Variants in PCDHGB2 observed in about 807,000 individuals in gnomAD.
The protein encoded by PCDHGB2 is protocadherin gamma subfamily B, 2, also known as protocadherin gamma-B2.
PCDHGB2 carries 55 observed loss-of-function variants against 59.3 expected under a neutral mutation model. The observed-to-expected ratio is 0.93, with a 90% confidence interval of 0.75 to 1.16. The LOEUF (loss-of-function observed/expected upper bound fraction) is 1.16, where lower values mean the gene tolerates loss of function less well. Among genes scored for constraint, PCDHGB2 ranks in the 50% most tolerant of loss-of-function variants. PCDHGB2 has a pLI of 0.00. For missense variants in PCDHGB2, 1,228 were observed against 1,198.5 expected (o/e 1.02, Z -0.36); for synonymous variants, 516 against 512.0 (o/e 1.01, Z -0.11).
intron 1 of PCDHGB2, chr5:141,398,690 G>A (rs1258068362): frequency 1.9e-6 from 3 of 1,613,914 alleles, no homozygotes; most frequent in African/African-American, 1.3e-5. Flanking sequence ...AAACAGGATG[G>A]TAGTAAATAC....
intron 1 of PCDHGB2, chr5:141,375,477 AC>A (rs768233872): frequency 3.1e-6 from 5 of 1,613,798 alleles, no homozygotes; most frequent in Non-Finnish European, 4.2e-6. Context: ...CTTGAAAACA[AC>A]CCCAGGGGTG....
intron 1 of PCDHGB2, chr5:141,372,106 G>T: frequency 6.2e-7 from 1 of 1,613,828 alleles, no homozygotes; most frequent in Non-Finnish European, 8.5e-7. Flanking sequence ...GGGCCCGAAG[G>T]CTCTGCGCTC....
rs561817609 is a variant in PCDHGB2, at chr5:141,496,904, G to A, written c.2480+2039G>A. Among the ~76,000 whole-genome samples, 12 of 137,476 alleles carry A rather than the reference G, an allele frequency of 8.7e-5. 1 individual carries two copies. The South Asian group carries it at 2.0e-3, about 23-fold the overall frequency. The allele number at this position is 137,476 out of a possible 152,430, so 90.2% of individuals were successfully genotyped here. On this transcript the variant is annotated intron_variant, in intron 2 of 3. Transcript: ENST00000522605. ...AGTAACACTTAAAAAAAAAAAAAAA[G>A]GCTGGGCACTGTGGTTCACGCCTGT...
chr5:141,371,751 C>T (rs1768003581), intron 1 of PCDHGB2: 1 of 1,613,918 alleles, frequency 6.2e-7, no homozygotes. Flanking sequence ...TCCCGTTTTC[C>T]ACCAGGCCTC....
intron 3 of PCDHGB2, among the ~76,000 whole-genome samples, chr5:141,506,904 C>T (rs55892286): frequency 0.2 from 30,589 of 152,050 alleles, 3,131 homozygotes; most frequent in Middle Eastern, 0.24. Flanking sequence ...ACTGTCATCA[C>T]ACCTGGGCAC....
chr5:141,496,284 G>A (rs1052943936), intron 2 of PCDHGB2, among the ~76,000 whole-genome samples: 6 of 152,210 alleles, frequency 3.9e-5, no homozygotes, highest in Admixed American at 1.3e-4. Context: ...CAGTTGGTCT[G>A]AGCAGAGTGG....
intron 1 of PCDHGB2, chr5:141,441,396 C>T (rs2098244328): frequency 6.5e-6 from 1 of 154,724 alleles, no homozygotes; most frequent in Admixed American, 6.5e-5. Flanking sequence ...GGTATAACAT[C>T]AGCATCACTG....
intron 1 of PCDHGB2, chr5:141,400,330 G>A (rs2094004189): frequency 6.2e-7 from 1 of 1,614,082 alleles, no homozygotes; most frequent in Admixed American, 1.7e-5. Flanking sequence ...TGGACCTGTG[G>A]TTCCCCCCAA....
At chr5:141,467,117 A>G (rs62379198) in intron 1 of PCDHGB2, among the ~76,000 whole-genome samples, 35,587 of 150,646 alleles carry the variant, frequency 0.24, 4,364 homozygotes, top group Admixed American at 0.32. Flanking sequence ...CAATGGTGCA[A>G]TCTCAGCTCA....
intron 1 of PCDHGB2, among the ~76,000 whole-genome samples, chr5:141,454,062 A>T (rs548960162): frequency 6.6e-6 from 1 of 152,380 alleles, no homozygotes; most frequent in East Asian, 1.9e-4. Context: ...CAAAGAAACA[A>T]AAGTGATAAT....
At chr5:141,376,271 G>A (rs761909915) in intron 1 of PCDHGB2, 2 of 1,614,104 alleles carry the variant, frequency 1.2e-6, no homozygotes, top group African/African-American at 2.7e-5. Flanking sequence ...GGCTTCGGGA[G>A]GTGGCTTAGC....
intron 1 of PCDHGB2, chr5:141,393,009 A>T: frequency 6.2e-7 from 1 of 1,613,898 alleles, no homozygotes. Flanking sequence ...CGGAGTCCGT[A>T]TCGTCTCCAG....
In PCDHGB2 at chr5:141,432,927, G is replaced by A; in HGVS notation, c.2422-61880G>A. On this transcript the variant is annotated intron_variant, in intron 1 of 3. Coordinates refer to ENST00000522605, the MANE Select transcript of PCDHGB2 (RefSeq NM_018923.3). This position sits in a 1 kb window ranked among gnomAD's most constrained non-coding sequence, Gnocchi z 6.0. ...AGGCTGCGGCGCTGGCACAAGTCACGCCTGCTGCAGGCTTCAGGAGGCGGC... is the reference window on the plus strand; with the variant it reads ...AGGCTGCGGCGCTGGCACAAGTCACACCTGCTGCAGGCTTCAGGAGGCGGC... 6.2e-7 allele frequency: 1 copy of A among 1,614,162 alleles called. No individual in the cohort carries two copies. Among genetic ancestry groups the A allele is most frequent in the Non-Finnish European group, 8.5e-7 (1 of 1,180,032 alleles).
chr5:141,394,509 G>T lies in PCDHGB2; in HGVS notation c.2421+31953G>T, dbSNP rs367855808. 10 of 1,614,028 alleles carry T rather than the reference G, an allele frequency of 6.2e-6. No homozygotes were observed. The highest frequency in any genetic ancestry group is 7.6e-6 in the Non-Finnish European group (9 of 1,180,034). On this transcript the variant is annotated intron_variant, in intron 1 of 3. Transcript: ENST00000522605. ...CAACGCGCCCGAGATCCTGTACCCCGCCCTCCCCACAGACGGTTCCACTGG... is the reference window on the plus strand; with the variant it reads ...CAACGCGCCCGAGATCCTGTACCCCTCCCTCCCCACAGACGGTTCCACTGG...
intron 1 of PCDHGB2, chr5:141,418,478 G>A (rs777772131): frequency 1.2e-6 from 2 of 1,613,858 alleles, no homozygotes; most frequent in Non-Finnish European, 1.7e-6. Flanking sequence ...AACGCAGAGC[G>A]CTCACCACTT....
chr5:141,496,277 T>C (rs1484877198), intron 2 of PCDHGB2, among the ~76,000 whole-genome samples: 1 of 152,134 alleles, frequency 6.6e-6, no homozygotes, highest in Non-Finnish European at 1.5e-5. Context: ...AGACCTTCAG[T>C]TGGTCTGAGC....
At chr5:141,393,334 C>A in intron 1 of PCDHGB2, 1 of 1,613,960 alleles carries the variant, frequency 6.2e-7, no homozygotes, top group Non-Finnish European at 8.5e-7. Flanking sequence ...CAGCTCAGCC[C>A]CAATCACCAC....
At chr5:141,371,163 G>T (rs79773129) in intron 1 of PCDHGB2, 6 of 1,613,984 alleles carry the variant, frequency 3.7e-6, no homozygotes, top group Non-Finnish European at 5.1e-6. Flanking sequence ...GAACCTGCCC[G>T]CTGGCTCCTC....
Position 141,374,601 on chromosome 5 carries a change from G to C in PCDHGB2, c.2421+12045G>C, listed in dbSNP as rs772584663. 6.1e-5 allele frequency: 98 copies of C among 1,613,558 alleles called. No homozygotes were observed. Among genetic ancestry groups the C allele is most frequent in the Non-Finnish European group, 8.1e-5 (96 of 1,179,756 alleles). ...AACTCCCTTCAGGGATTTAAGCTCA[G>C]TGGTAATAGTCACTTCTCAGTGGAC... is the stretch of plus-strand genomic sequence containing the variant. On this transcript the variant is annotated intron_variant, in intron 1 of 3. Transcript: ENST00000522605.
Sources: allele counts gnomAD v4.1 joint callset (sites outside exome capture counted in the v4.1 genomes callset), GRCh38; gene constraint gnomAD v4.1.1; non-coding constraint Gnocchi (gnomAD v3.1); transcripts MANE v1.5; gene names NCBI Gene and HGNC (gene_info 2026-07-23, HGNC 2026-07-21).